NCKAP5: variants seen among roughly 807,000 people sequenced by gnomAD.
The protein encoded by NCKAP5 is NCK associated protein 5, also known as nck-associated protein 5.
Under a neutral mutation model 167.0 loss-of-function variants are expected in NCKAP5, and 92 were observed. That is an observed-to-expected ratio of 0.55 (90% confidence interval 0.47 to 0.66). The LOEUF is 0.66. NCKAP5 is among the 30% of genes least tolerant of loss of function. The probability of loss-of-function intolerance (pLI) is 0.00; values close to 1 mark genes in which losing one functional copy is unlikely to be tolerated. For synonymous variants in NCKAP5, 891 were observed against 877.4 expected (o/e 1.02, Z -0.27); for missense variants, 2,378 against 2,315.0 (o/e 1.03, Z -0.56).
chr2:133,587,541 C>T, the NCKAP5 span, among the ~76,000 whole-genome samples: 3 of 152,170 alleles, frequency 2.0e-5, no homozygotes, highest in Admixed American at 6.5e-5. Flanking sequence ...ACATGGTCTC[C>T]ACCTGAAGGG....
Position 133,361,041 on chromosome 2 carries a change from T to C in NCKAP5, c.70-57931A>G, listed in dbSNP as rs559206058. ...GGAGACAAGGACCTATGCTGGTGAC[T>C]GGAGAATCTTACTGAGGTCTTTAGA... On this transcript the variant is annotated intron_variant, in intron 3 of 19. Coordinates refer to ENST00000409261, the MANE Select transcript of NCKAP5 (RefSeq NM_207363.3). Among the ~76,000 whole-genome samples the C allele has an allele frequency of 2.3e-3, 339 of 149,792 alleles. No homozygotes were observed. In the Middle Eastern group the frequency reaches 0.024, roughly 11 times the overall value.
At position 132,920,733 on chromosome 2, in the gene NCKAP5, GTATATATATGTGTATATA is replaced by G. The variant is rs1558942928; in HGVS notation, c.580-41835_580-41818del. Among the ~76,000 whole-genome samples the G allele has an allele frequency of 5.1e-3, 274 of 53,720 alleles. 13 individuals carry two copies. Among genetic ancestry groups the G allele is most frequent in the African/African-American group, 0.02 (240 of 12,136 alleles). 35.2% of individuals were successfully genotyped at this position (53,720 alleles called of 152,430 possible). Reference sequence around the variant, plus strand: ...TGTATATATATGTATATATATATATGTATATATATGTGTATATATATATGTATATATATGTATGTATAT... The same window carrying G: ...TGTATATATATGTATATATATATATGTATATGTATATATATGTATGTATAT... On this transcript the variant is annotated intron_variant, in intron 8 of 19. Transcript: ENST00000409261.
chr2:133,453,545 G>C (rs1691672858), intron 3 of NCKAP5, among the ~76,000 whole-genome samples: 1 of 152,050 alleles, frequency 6.6e-6, no homozygotes, highest in Non-Finnish European at 1.5e-5. Flanking sequence ...AAAAAGGAAA[G>C]AGAAAGAAAC....
At chr2:133,530,411 CT>C (rs1309331044) in intron 2 of NCKAP5, among the ~76,000 whole-genome samples, 2 of 152,114 alleles carry the variant, frequency 1.3e-5, no homozygotes, top group Non-Finnish European at 2.9e-5. Flanking sequence ...TCATTTTTGT[CT>C]TCCATATCAA....
At chr2:132,809,311 A>G (rs556550801) in intron 11 of NCKAP5, among the ~76,000 whole-genome samples, 4 of 152,062 alleles carry the variant, frequency 2.6e-5, no homozygotes, top group African/African-American at 9.7e-5. Context: ...GTTTACATCC[A>G]TTGTTTCTTT....
chr2:132,901,596 T>A, intron 8 of NCKAP5, among the ~76,000 whole-genome samples: 1 of 152,296 alleles, frequency 6.6e-6, no homozygotes, highest in African/African-American at 2.4e-5. Context: ...AACAATGCTG[T>A]AAATAAAATA....
At chr2:133,073,363 C>G (rs2080486106) in intron 6 of NCKAP5, among the ~76,000 whole-genome samples, 1 of 152,092 alleles carries the variant, frequency 6.6e-6, no homozygotes, top group Non-Finnish European at 1.5e-5. Context: ...TCCTATATAT[C>G]AAGTCCTTGG....
intron 17 of NCKAP5, 100 bp from the exon 18 acceptor site, chr2:132,729,052 G>T: frequency 1.3e-6 from 2 of 1,500,134 alleles, no homozygotes; most frequent in Non-Finnish European, 1.8e-6. Context: ...TAATAAAAAA[G>T]GTCCAAATAC....
At chr2:133,318,418 T>C (rs1448084527) in intron 3 of NCKAP5, among the ~76,000 whole-genome samples, 1 of 152,222 alleles carries the variant, frequency 6.6e-6, no homozygotes, top group African/African-American at 2.4e-5. Flanking sequence ...CACAGATATC[T>C]TGTGGTACAA....
At chr2:132,844,234 AC>A (rs1484347479) in intron 11 of NCKAP5, among the ~76,000 whole-genome samples, 1 of 152,114 alleles carries the variant, frequency 6.6e-6, no homozygotes, top group African/African-American at 2.4e-5. Flanking sequence ...ATATTTATAA[AC>A]TTTTCCTACC....
At chr2:132,990,379 G>C (rs1200674532) in intron 7 of NCKAP5, among the ~76,000 whole-genome samples, 1 of 152,206 alleles carries the variant, frequency 6.6e-6, no homozygotes, top group African/African-American at 2.4e-5. Flanking sequence ...AGGCATCTTT[G>C]CATCTCTGGT....
chr2:132,757,242 C>G (rs569743660), intron 16 of NCKAP5, among the ~76,000 whole-genome samples: 1 of 152,276 alleles, frequency 6.6e-6, no homozygotes, highest in South Asian at 2.1e-4. Context: ...TGCTAAATGA[C>G]TCTTCTCACA....
chr2:133,512,843 TC>T (rs1683612232), intron 3 of NCKAP5, among the ~76,000 whole-genome samples: 1 of 151,906 alleles, frequency 6.6e-6, no homozygotes, highest in South Asian at 2.1e-4. Flanking sequence ...AAACTACAGC[TC>T]CCCCATGGCC....
rs1328283850 is a variant in NCKAP5 at position 132,795,814 on chromosome 2, G to A, written c.909+814C>T. ...AGCCAGGGCAACAGGATGAGACCCC[G>A]TATCAGAAAAAAAAAAAAAAAAAAC... On this transcript the variant is annotated intron_variant, in intron 12 of 19. Transcript: ENST00000409261. Among the ~76,000 whole-genome samples the A allele has an allele frequency of 9.0e-5, 8 of 89,300 alleles. No homozygotes were observed. In the East Asian group the frequency reaches 1.3e-3, roughly 15 times the overall value. 58.6% of individuals were successfully genotyped at this position (89,300 alleles called of 152,430 possible). A position where few individuals can be genotyped will look rare whatever the true frequency, so the allele number is the denominator to read the frequency against.
intron 3 of NCKAP5, among the ~76,000 whole-genome samples, chr2:133,485,902 C>A (rs781093870): frequency 4.5e-4 from 69 of 152,078 alleles, no homozygotes; most frequent in Non-Finnish European, 8.5e-4. Context: ...ATGATACATG[C>A]AACAACACTA....
At chr2:133,325,146 A>G (rs1234099758) in intron 3 of NCKAP5, among the ~76,000 whole-genome samples, 4 of 152,242 alleles carry the variant, frequency 2.6e-5, no homozygotes, top group Admixed American at 6.5e-5. Context: ...GCCGTATTCA[A>G]TCTACCTGGG....
chr2:133,190,402 T>C (rs1411634082), intron 5 of NCKAP5, among the ~76,000 whole-genome samples: 1 of 152,168 alleles, frequency 6.6e-6, no homozygotes. Context: ...AATAACTTTC[T>C]TCACAGAATT....
intron 3 of NCKAP5, among the ~76,000 whole-genome samples, chr2:133,309,746 T>C (rs182666344): frequency 6.6e-6 from 1 of 152,348 alleles, no homozygotes; most frequent in East Asian, 1.9e-4. Context: ...GTGAATCTCC[T>C]ATTGTCTGAA....
At chr2:133,208,165 C>T (rs575694956) in intron 5 of NCKAP5, among the ~76,000 whole-genome samples, 5 of 152,038 alleles carry the variant, frequency 3.3e-5, no homozygotes, top group African/African-American at 1.2e-4. Flanking sequence ...ATGGCGAGAC[C>T]CTGTCTCTAC....
Sources: allele counts gnomAD v4.1 joint callset (sites outside exome capture counted in the v4.1 genomes callset), GRCh38; gene constraint gnomAD v4.1.1; transcripts MANE v1.5; gene names NCBI Gene and HGNC (gene_info 2026-07-23, HGNC 2026-07-21).